IMPG2: variants seen among roughly 807,000 people sequenced by gnomAD.
IMPG2 encodes the protein interphotoreceptor matrix proteoglycan 2, also known as IPM 200.
IMPG2 carries 91 observed loss-of-function variants against 129.2 expected under a neutral mutation model. The ratio of observed to expected loss-of-function variants is 0.70; its 90% confidence interval spans 0.59 to 0.84. The LOEUF (loss-of-function observed/expected upper bound fraction) is 0.84. Among genes scored for constraint, IMPG2 ranks in the 40% least tolerant of loss-of-function variants. The pLI is 0.00. For synonymous variants in IMPG2, 510 were observed against 517.7 expected (o/e 0.99, Z 0.20); for missense variants, 1,430 against 1,461.7 (o/e 0.98, Z 0.35).
chr3:101,297,130 G>C (rs889653975), intron 3 of IMPG2, among the ~76,000 whole-genome samples: 1 of 152,070 alleles, frequency 6.6e-6, no homozygotes, highest in East Asian at 1.9e-4. Context: ...GGATGGTCTC[G>C]ATCTCCTGAC....
intron 4 of IMPG2, among the ~76,000 whole-genome samples, chr3:101,279,764 A>C (rs556045094): frequency 1.2e-4 from 18 of 152,342 alleles, no homozygotes; most frequent in African/African-American, 4.3e-4. Context: ...GGAGAAGTTT[A>C]CTTCAGTTGA....
At chr3:101,278,326 C>T (rs1022651067) in intron 4 of IMPG2, among the ~76,000 whole-genome samples, 1 of 152,136 alleles carries the variant, frequency 6.6e-6, no homozygotes, top group African/African-American at 2.4e-5. Context: ...CCCTCATAGA[C>T]GTGCCCAGGT....
intron 8 of IMPG2, among the ~76,000 whole-genome samples, chr3:101,267,900 G>A (rs1472342151): frequency 6.6e-6 from 1 of 152,060 alleles, no homozygotes; most frequent in Non-Finnish European, 1.5e-5. Flanking sequence ...AAAATCAGAT[G>A]GTACACTGTA....
intron 1 of IMPG2, 74 bp downstream of exon 1, chr3:101,320,214 T>C: frequency 2.3e-6 from 2 of 879,534 alleles, no homozygotes; most frequent in East Asian, 2.6e-5. Context: ...AGCAATCACA[T>C]CAAATAATCC....
chr3:101,280,028 A>G (rs993109211), intron 4 of IMPG2, among the ~76,000 whole-genome samples: 6 of 152,238 alleles, frequency 3.9e-5, no homozygotes, highest in Admixed American at 2.0e-4. Context: ...TTGAGCTTGG[A>G]AAGAGAAATA....
Position 101,287,785 on chromosome 3 carries a change from A to G in IMPG2, c.533+3694T>C, listed in dbSNP as rs1324525573. 3.3e-5 allele frequency among the ~76,000 whole-genome samples: 5 copies of G among 152,178 alleles called. No homozygotes were observed. In the East Asian group the frequency reaches 9.6e-4, roughly 29 times the overall value. ...AAATGTAAGACCTCAAACTATAAAA[A>G]TTCTAGAAGAAAACTTAGAAAATAT... is the stretch of plus-strand genomic sequence containing the variant. On this transcript the variant is annotated intron_variant, in intron 4 of 18. Transcript: ENST00000193391.
rs577119410 is a variant in IMPG2, at chr3:101,260,540, CTT to C, written c.909-2769_909-2768del. On this transcript the variant is annotated intron_variant, in intron 9 of 18. Coordinates refer to ENST00000193391, the MANE Select transcript of IMPG2 (RefSeq NM_016247.4). ...TCACCACACCATAGTCACCCTTGCT[CTT>C]TATTAGCCTTCAGTCATTCTGATAG... 1.1e-3 allele frequency among the ~76,000 whole-genome samples: 164 copies of C among 152,300 alleles called. 2 individuals are homozygous for C. The highest frequency in any genetic ancestry group is 1.2e-3 in the Admixed American group (19 of 15,298).
chr3:101,307,869 G>T (rs1159732799), intron 2 of IMPG2, among the ~76,000 whole-genome samples: 2 of 152,164 alleles, frequency 1.3e-5, no homozygotes, highest in African/African-American at 2.4e-5. Context: ...GACAAGGCAA[G>T]TCCCTTCCAC....
In IMPG2 at chr3:101,250,983, A is replaced by G. The variant is rs141038358; in HGVS notation, c.1239+2713T>C. ...TAGTTACAATGATGATGATCATACC[A>G]TAAGAGGGAATTAACTTTTTTCCTT... On this transcript the variant is annotated intron_variant, in intron 11 of 18. Transcript: ENST00000193391. 1.1e-4 allele frequency among the ~76,000 whole-genome samples: 17 copies of G among 152,318 alleles called. 1 individual carries two copies. The highest frequency in any genetic ancestry group is 4.1e-4 in the African/African-American group (17 of 41,570).
chr3:101,234,744 C>T (rs1175337049), intron 14 of IMPG2, among the ~76,000 whole-genome samples: 1 of 152,170 alleles, frequency 6.6e-6, no homozygotes, highest in Non-Finnish European at 1.5e-5. Context: ...GATGGTACTG[C>T]ATAGCTCTCC....
In IMPG2 at chr3:101,291,549, A is replaced by G. The variant is rs569967120; in HGVS notation, c.502-39T>C. On this transcript the variant is annotated intron_variant, in intron 3 of 18. Coordinates refer to ENST00000193391, the MANE Select transcript of IMPG2 (RefSeq NM_016247.4). ...AGATATAAAAATGACTGAGTTAACA[A>G]CAGTTATTAAGGAGTAAATAAAACT... 28 of 1,510,212 alleles carry G rather than the reference A, an allele frequency of 1.9e-5. No homozygotes were observed. The South Asian group carries it at 3.2e-4, about 17-fold the overall frequency. 93.6% of individuals were successfully genotyped at this position (1,510,212 alleles called of 1,614,324 possible). A position where few individuals can be genotyped will look rare whatever the true frequency, so the allele number is the denominator to read the frequency against.
At chr3:101,261,218 C>A (rs1027328439) in intron 9 of IMPG2, among the ~76,000 whole-genome samples, 1 of 151,980 alleles carries the variant, frequency 6.6e-6, no homozygotes, top group African/African-American at 2.4e-5. Flanking sequence ...GATTTTTGCA[C>A]AACCTATTAA....
chr3:101,306,343 G>A (rs1176646144), intron 2 of IMPG2, among the ~76,000 whole-genome samples: 2 of 152,168 alleles, frequency 1.3e-5, no homozygotes, highest in Admixed American at 6.5e-5. Flanking sequence ...AGTATTGAAA[G>A]TTTCTCTATC....
chr3:101,291,282 C>T (rs1484466145), intron 4 of IMPG2, among the ~76,000 whole-genome samples, 197 bp downstream of exon 4: 1 of 152,188 alleles, frequency 6.6e-6, no homozygotes. Flanking sequence ...AGCAAATGCG[C>T]ACAGTGGCTG....
chr3:101,305,481 CTTCAG>C (rs1196769654), intron 2 of IMPG2, among the ~76,000 whole-genome samples: 3 of 152,066 alleles, frequency 2.0e-5, no homozygotes, highest in African/African-American at 7.2e-5. Context: ...TAACTATGAA[CTTCAG>C]TTAAGAATAA....
intron 9 of IMPG2, among the ~76,000 whole-genome samples, chr3:101,260,422 A>G (rs949512722): frequency 1.3e-5 from 2 of 152,170 alleles, no homozygotes; most frequent in Non-Finnish European, 2.9e-5. Flanking sequence ...AATATTATTT[A>G]TAAAGAAATC....
chr3:101,229,445 C>A lies in IMPG2; in HGVS notation c.3568G>T (p.Val1190Leu). 1.2e-6 allele frequency: 2 copies of A among 1,612,978 alleles called. No individual in the cohort carries two copies. Among genetic ancestry groups the A allele is most frequent in the Non-Finnish European group, 1.7e-6 (2 of 1,179,988 alleles). The change falls in exon 17 of 19, where the codon GTG (valine) becomes TTG (leucine). Residue 1190 changes from valine (V) to leucine (L), a missense_variant. Val to Leu is a conservative substitution (Grantham distance 32). Coordinates refer to ENST00000193391, the MANE Select transcript of IMPG2 (RefSeq NM_016247.4). ...HPFYSSASGD[V>L]IGGLSREEIR... Reference sequence around the variant, plus strand: ...TCTTCTCTGCTCAGCCCACCAATCACGTCTCCGCTAGCAGAGCTGTAGAAG... The same window carrying A: ...TCTTCTCTGCTCAGCCCACCAATCAAGTCTCCGCTAGCAGAGCTGTAGAAG...
At chr3:101,301,996 T>A (rs1707143830) in intron 3 of IMPG2, among the ~76,000 whole-genome samples, 2 of 152,196 alleles carry the variant, frequency 1.3e-5, no homozygotes, top group South Asian at 4.1e-4. Flanking sequence ...TTTAGTCTGA[T>A]CTCCTGTCAT....
At chr3:101,297,351 T>G (rs1441014571) in intron 3 of IMPG2, among the ~76,000 whole-genome samples, 2 of 152,176 alleles carry the variant, frequency 1.3e-5, no homozygotes, top group Non-Finnish European at 2.9e-5. Flanking sequence ...AACCAGCTCC[T>G]GGATTAATTG....
Sources: allele counts gnomAD v4.1 joint callset (sites outside exome capture counted in the v4.1 genomes callset), GRCh38; gene constraint gnomAD v4.1.1; transcripts MANE v1.5; gene names NCBI Gene and HGNC (gene_info 2026-07-23, HGNC 2026-07-21).